Variants in KCNQ5 observed in about 807,000 individuals in gnomAD.
KCNQ5 encodes potassium voltage-gated channel subfamily Q member 5, also known as potassium voltage-gated channel subfamily KQT member 5.
KCNQ5 carries 30 observed loss-of-function variants against 98.2 expected under a neutral mutation model. The observed-to-expected ratio is 0.31, with a 90% confidence interval of 0.23 to 0.41. The LOEUF is 0.41. Among genes scored for constraint, KCNQ5 ranks in the 10% least tolerant of loss-of-function variants. KCNQ5 has a pLI of 1.00. For synonymous variants in KCNQ5, 458 were observed against 449.4 expected (o/e 1.02, Z -0.24); for missense variants, 835 against 1,182.5 (o/e 0.71, Z 4.31).
intron 1 of KCNQ5, among the ~76,000 whole-genome samples, chr6:72,978,697 C>T (rs773612202): frequency 7.2e-5 from 11 of 152,218 alleles, no homozygotes; most frequent in Non-Finnish European, 1.6e-4. Context: ...TTTTATTATA[C>T]TTTGAGTTCT....
chr6:72,885,397 G>A (rs1337569974), intron 1 of KCNQ5, among the ~76,000 whole-genome samples: 1 of 152,162 alleles, frequency 6.6e-6, no homozygotes, highest in Non-Finnish European at 1.5e-5. Context: ...GGCTGAAGCA[G>A]GAGGATCACT....
chr6:73,073,643 A>G (rs778366736), intron 3 of KCNQ5, among the ~76,000 whole-genome samples: 5 of 152,190 alleles, frequency 3.3e-5, no homozygotes, highest in Non-Finnish European at 7.3e-5. Context: ...GAATGATTGA[A>G]TATTCATTTT....
rs559840897 is a variant in KCNQ5 at position 72,637,135 on chromosome 6, G to T, written c.398+14548G>T. Among the ~76,000 whole-genome samples, 23 of 152,240 alleles carry T rather than the reference G, an allele frequency of 1.5e-4. No homozygotes were observed. The South Asian group carries it at 4.4e-3, about 29-fold the overall frequency. On this transcript the variant is annotated intron_variant, in intron 1 of 13. Transcript: ENST00000370398. ...AAAACATTCTGAGTATGTTTAATTT[G>T]CTCCAAAGTATTTTAAAAAATAAGA...
chr6:73,079,905 G>A (rs747138054), intron 5 of KCNQ5, among the ~76,000 whole-genome samples: 1 of 152,166 alleles, frequency 6.6e-6, no homozygotes, highest in Non-Finnish European at 1.5e-5. Flanking sequence ...TCAAAGCAAT[G>A]GTTTGAATTC....
Position 73,017,484 on chromosome 6 carries a change from T to TA in KCNQ5, c.489+13487dup, listed in dbSNP as rs1178038929. Among the ~76,000 whole-genome samples, 10 of 152,196 alleles carry TA rather than the reference T, an allele frequency of 6.6e-5. No individual in the cohort carries two copies. The East Asian group carries it at 1.9e-3, about 29-fold the overall frequency. The stretch of plus-strand genomic sequence containing the variant: ...AAACCAAAAGCTGGAAGCAATAGGG[T>TA]AGGTCCCACTGTTCCCCATGCAGGT... On this transcript the variant is annotated intron_variant, in intron 2 of 13. Coordinates refer to ENST00000370398, the MANE Select transcript of KCNQ5 (RefSeq NM_019842.4).
intron 1 of KCNQ5, among the ~76,000 whole-genome samples, chr6:72,792,730 A>C (rs79336596): frequency 1.3e-5 from 2 of 152,202 alleles, no homozygotes; most frequent in African/African-American, 4.8e-5. Flanking sequence ...ATTGTCTCCA[A>C]CTAAGCACAT....
chr6:72,857,909 T>C (rs1168953444), intron 1 of KCNQ5, among the ~76,000 whole-genome samples: 1 of 152,230 alleles, frequency 6.6e-6, no homozygotes, highest in African/African-American at 2.4e-5. Flanking sequence ...GCCTACTATG[T>C]GCTGGGCATT....
At chr6:72,804,800 C>A (rs1332554585) in intron 1 of KCNQ5, among the ~76,000 whole-genome samples, 3 of 152,116 alleles carry the variant, frequency 2.0e-5, no homozygotes, top group African/African-American at 7.2e-5. Flanking sequence ...GGGTTTTTCC[C>A]TTTATTCCAC....
intron 1 of KCNQ5, among the ~76,000 whole-genome samples, chr6:72,780,626 G>A (rs1773414644): frequency 6.6e-6 from 1 of 152,246 alleles, no homozygotes; most frequent in East Asian, 1.9e-4. Context: ...GTGACTGTTG[G>A]GTGAGGAGTG....
chr6:73,027,873 A>G (rs1363429803), intron 2 of KCNQ5, among the ~76,000 whole-genome samples: 55 of 152,336 alleles, frequency 3.6e-4, no homozygotes. Flanking sequence ...TACCATGCAA[A>G]CAAGCAGGGT....
chr6:72,864,661 A>G (rs145449584), intron 1 of KCNQ5, among the ~76,000 whole-genome samples: 29 of 152,268 alleles, frequency 1.9e-4, no homozygotes, highest in African/African-American at 6.7e-4. Flanking sequence ...ACATCACTAC[A>G]TAATTTAATT....
At chr6:72,844,846 C>A (rs1313127888) in intron 1 of KCNQ5, among the ~76,000 whole-genome samples, 2 of 152,182 alleles carry the variant, frequency 1.3e-5, no homozygotes, top group Non-Finnish European at 2.9e-5. Flanking sequence ...GCTCCCTGTG[C>A]TTTTGCTGAC....
At chr6:72,653,294 T>C (rs552832351) in intron 1 of KCNQ5, among the ~76,000 whole-genome samples, 2 of 152,040 alleles carry the variant, frequency 1.3e-5, no homozygotes, top group Admixed American at 6.6e-5. Flanking sequence ...TCCTGAGTGC[T>C]TCAAGTTTTG....
In KCNQ5 at chr6:73,077,306, G is replaced by A. The variant is rs1190333443; in HGVS notation, c.617-16G>A. 3.7e-6 allele frequency: 6 copies of A among 1,610,224 alleles called. No homozygotes were observed. Among genetic ancestry groups the A allele is most frequent in the East Asian group, 2.2e-5 (1 of 44,856 alleles). The stretch of plus-strand genomic sequence containing the variant: ...TGGTCGTGCTAACTGTGGCTATTTC[G>A]ACCTGTTTCTTTCAGATACCATTGT... On this transcript the variant is annotated splice_polypyrimidine_tract_variant and intron_variant, in intron 3 of 13. Transcript: ENST00000370398.
chr6:72,691,045 A>C (rs1768191780), intron 1 of KCNQ5, among the ~76,000 whole-genome samples: 1 of 152,216 alleles, frequency 6.6e-6, no homozygotes, highest in Admixed American at 6.5e-5. Context: ...ATAGAGAGCA[A>C]ACTGGCTTTT....
chr6:72,824,653 T>G (rs564065013), intron 1 of KCNQ5, among the ~76,000 whole-genome samples: 2 of 152,254 alleles, frequency 1.3e-5, no homozygotes, highest in African/African-American at 4.8e-5. Flanking sequence ...AGTGAAGCTG[T>G]GCTGGCCAGC....
chr6:72,800,809 G>T (rs1774607207), intron 1 of KCNQ5, among the ~76,000 whole-genome samples: 1 of 152,198 alleles, frequency 6.6e-6, no homozygotes, highest in Admixed American at 6.5e-5. Flanking sequence ...GTGTCCCAGA[G>T]ATTCTGGTAT....
At chr6:73,151,067 A>G (rs1007857868) in intron 10 of KCNQ5, among the ~76,000 whole-genome samples, 1 of 152,182 alleles carries the variant, frequency 6.6e-6, no homozygotes, top group Non-Finnish European at 1.5e-5. Flanking sequence ...TTACCATTGT[A>G]GGAAACTGAA....
intron 10 of KCNQ5, among the ~76,000 whole-genome samples, chr6:73,145,078 T>TGTG (rs1441811581): frequency 6.6e-6 from 1 of 152,244 alleles, no homozygotes; most frequent in African/African-American, 2.4e-5. Flanking sequence ...TTCAACATCC[T>TGTG]GTTGGTTCTA....
Sources: allele counts gnomAD v4.1 joint callset (sites outside exome capture counted in the v4.1 genomes callset), GRCh38; gene constraint gnomAD v4.1.1; transcripts MANE v1.5; gene names NCBI Gene and HGNC (gene_info 2026-07-23, HGNC 2026-07-21).